The following SCYL3 variants were observed in gnomAD, a reference collection of about 807,000 sequenced individuals.
SCYL3 encodes SCY1 like pseudokinase 3.
A neutral mutation model predicts 73.8 loss-of-function variants in SCYL3; 35 were observed. The observed-to-expected ratio is 0.47, with a 90% confidence interval of 0.36 to 0.63. The LOEUF is 0.63. Among genes scored for constraint, SCYL3 ranks in the 20% least tolerant of loss-of-function variants. The pLI, the probability that SCYL3 is intolerant of heterozygous loss-of-function variation, is 0.00. For synonymous variants in SCYL3, 277 were observed against 295.2 expected, an observed-to-expected ratio of 0.94 and a Z score of 0.63; for missense variants, 712 against 798.9, an observed-to-expected ratio of 0.89 and a Z score of 1.31.
intron 8 of SCYL3, among the ~76,000 whole-genome samples, chr1:169,865,922 A>C (rs951046597): frequency 2.0e-5 from 3 of 152,128 alleles, no homozygotes; most frequent in Non-Finnish European, 4.4e-5. Context: ...CGGGTGCCCC[A>C]GGATTACAAT....
intron 2 of SCYL3, among the ~76,000 whole-genome samples, chr1:169,888,246 G>A (rs1661814138): frequency 6.6e-6 from 1 of 152,210 alleles, no homozygotes; most frequent in Non-Finnish European, 1.5e-5. Flanking sequence ...GGCACCCTCT[G>A]CCTGGAGCAA....
chr1:169,868,041 A>G (rs1452478856), intron 7 of SCYL3, among the ~76,000 whole-genome samples: 1 of 152,214 alleles, frequency 6.6e-6, no homozygotes, highest in African/African-American at 2.4e-5. Context: ...TAAAAATACA[A>G]ATTTTTAAAA....
At chr1:169,881,209 A>T (rs1308371902) in intron 2 of SCYL3, among the ~76,000 whole-genome samples, 1 of 152,246 alleles carries the variant, frequency 6.6e-6, no homozygotes, top group African/African-American at 2.4e-5. Context: ...GAAGATACCT[A>T]CATTACAAGG....
chr1:169,863,494 T>A (rs1659815339), intron 9 of SCYL3, among the ~76,000 whole-genome samples: 1 of 152,228 alleles, frequency 6.6e-6, no homozygotes, highest in East Asian at 1.9e-4. Context: ...GGGACTTTGA[T>A]GCTGGATACT....
Position 169,850,367 on chromosome 1 carries a change from T to C in SCYL3, c.*3346A>G, listed in dbSNP as rs1450991553. 2 of 1,502,542 alleles carry C rather than the reference T, an allele frequency of 1.3e-6. No homozygotes were observed. Among genetic ancestry groups the C allele is most frequent in the African/African-American group, 1.4e-5 (1 of 71,398 alleles). The allele number at this position is 1,502,542 out of a possible 1,614,324, so 93.1% of individuals were successfully genotyped here. Reference sequence around the variant, plus strand: ...GAAGGTACTTTCTTTACATGGCTCATGTTTTATTCTTTGTCCTATTTTTTT... The same window carrying C: ...GAAGGTACTTTCTTTACATGGCTCACGTTTTATTCTTTGTCCTATTTTTTT... On this transcript the variant is annotated 3_prime_UTR_variant, in exon 13 of 13. Transcript: ENST00000367771.
intron 2 of SCYL3, among the ~76,000 whole-genome samples, chr1:169,879,134 C>A (rs1474898357): frequency 6.6e-6 from 1 of 152,168 alleles, no homozygotes; most frequent in Non-Finnish European, 1.5e-5. Flanking sequence ...CAACTGAAAT[C>A]CTGACAAGTA....
Position 169,853,623 on chromosome 1 carries a change from G to A in SCYL3, c.*90C>T. The A allele has an allele frequency of 7.2e-7, 1 of 1,389,934 alleles. No individual in the cohort carries two copies. Among genetic ancestry groups the A allele is most frequent in the Non-Finnish European group, 1.0e-6 (1 of 994,574 alleles). The allele number at this position is 1,389,934 out of a possible 1,614,324, so 86.1% of individuals were successfully genotyped here. A position where few individuals can be genotyped will look rare whatever the true frequency, so the allele number is the denominator to read the frequency against. On this transcript the variant is annotated 3_prime_UTR_variant, in exon 13 of 13. Coordinates refer to ENST00000367771, the MANE Select transcript of SCYL3 (RefSeq NM_020423.7). The stretch of plus-strand genomic sequence containing the variant: ...GGATGGGAAAAGCAGGCCACTTTGG[G>A]GTTTTCTTGTCCCAAAGCCTGCTTT...
chr1:169,852,700 A>G lies in SCYL3; in HGVS notation c.*1013T>C. 7.4e-7 allele frequency: 1 copy of G among 1,348,408 alleles called. No homozygotes were observed. Among genetic ancestry groups the G allele is most frequent in the African/African-American group, 1.5e-5 (1 of 68,558 alleles). 83.5% of individuals were successfully genotyped at this position (1,348,408 alleles called of 1,614,324 possible). A position where few individuals can be genotyped will look rare whatever the true frequency, so the allele number is the denominator to read the frequency against. ...CCCTTGTGATCCAATGACTAGAATA[A>G]AATTTGCATGTAAGCTTTACTCCAG... On this transcript the variant is annotated 3_prime_UTR_variant, in exon 13 of 13. Coordinates refer to ENST00000367771, the MANE Select transcript of SCYL3 (RefSeq NM_020423.7).
chr1:169,853,962 A>C, intron 12 of SCYL3, 190 bp from the exon 13 acceptor site: 1 of 660,060 alleles, frequency 1.5e-6, no homozygotes, highest in Non-Finnish European at 2.5e-6. Context: ...GGCACTGGAA[A>C]ATAGCTTTTC....
chr1:169,863,961 A>C (rs998061632), intron 9 of SCYL3, among the ~76,000 whole-genome samples: 2 of 152,210 alleles, frequency 1.3e-5, no homozygotes, highest in African/African-American at 4.8e-5. Flanking sequence ...CGTAAAAAAA[A>C]CTTGAAGCCC....
intron 8 of SCYL3, among the ~76,000 whole-genome samples, chr1:169,865,496 AT>A (rs938554943): frequency 6.6e-6 from 1 of 152,074 alleles, no homozygotes; most frequent in African/African-American, 2.4e-5. Context: ...TTCCAGGACA[AT>A]GCACCAACCA....
At chr1:169,882,237 A>G (rs1661327377) in intron 2 of SCYL3, among the ~76,000 whole-genome samples, 1 of 152,180 alleles carries the variant, frequency 6.6e-6, no homozygotes, top group Non-Finnish European at 1.5e-5. Context: ...CGGGGCAATG[A>G]GGTGCTTAGC....
intron 2 of SCYL3, among the ~76,000 whole-genome samples, chr1:169,879,481 G>A (rs1661091037): frequency 6.6e-6 from 1 of 152,202 alleles, no homozygotes; most frequent in Non-Finnish European, 1.5e-5. Context: ...AAAGTTTTGA[G>A]AAACAGACAG....
chr1:169,874,953 G>A (rs944166208), intron 4 of SCYL3, among the ~76,000 whole-genome samples: 2 of 152,098 alleles, frequency 1.3e-5, no homozygotes, highest in Admixed American at 6.6e-5. Context: ...AAACCTAAAT[G>A]GTAAATGAGG....
intron 4 of SCYL3, among the ~76,000 whole-genome samples, chr1:169,875,230 C>T (rs1660709238): frequency 6.6e-6 from 1 of 152,140 alleles, no homozygotes; most frequent in Non-Finnish European, 1.5e-5. Flanking sequence ...GGAAATTAAG[C>T]TGAAACAGTA....
chr1:169,869,058 G>T lies in SCYL3; in HGVS notation c.626-19C>A. On this transcript the variant is annotated intron_variant, in intron 6 of 12. Coordinates refer to ENST00000367771, the MANE Select transcript of SCYL3 (RefSeq NM_020423.7). ...GCTGAAACTGAAATCCAGAGCTACA[G>T]TTAGTTTCCAATGCCTTCTCCCTCT... 6.3e-7 allele frequency: 1 copy of T among 1,596,908 alleles called. No individual in the cohort carries two copies. Among genetic ancestry groups the T allele is most frequent in the Non-Finnish European group, 8.6e-7 (1 of 1,164,746 alleles).
intron 2 of SCYL3, among the ~76,000 whole-genome samples, chr1:169,879,277 G>A (rs1295723572): frequency 6.6e-6 from 1 of 152,192 alleles, no homozygotes; most frequent in Non-Finnish European, 1.5e-5. Flanking sequence ...GCAAAGCAGT[G>A]TAACAAAGGT....
At chr1:169,858,975 A>T in intron 11 of SCYL3, 66 bp downstream of exon 11, 1 of 1,386,124 alleles carries the variant, frequency 7.2e-7, no homozygotes, top group Non-Finnish European at 1.0e-6. Flanking sequence ...CTCCTACATT[A>T]CTTATATAAT....
chr1:169,864,281 C>T (rs1659871079), intron 9 of SCYL3, 88 bp downstream of exon 9: 1 of 1,534,148 alleles, frequency 6.5e-7, no homozygotes, highest in Non-Finnish European at 9.0e-7. Context: ...ACATTAACTA[C>T]ACCACACAGT....
Sources: allele counts gnomAD v4.1 joint callset (sites outside exome capture counted in the v4.1 genomes callset), GRCh38; gene constraint gnomAD v4.1.1; transcripts MANE v1.5; gene names NCBI Gene and HGNC (gene_info 2026-07-23, HGNC 2026-07-21).